The following SENP7 variants were observed in gnomAD, a reference collection of about 807,000 sequenced individuals.
SENP7 encodes SUMO specific peptidase 7.
A neutral mutation model predicts 141.2 loss-of-function variants in SENP7; 64 were observed. That is an observed-to-expected ratio of 0.45 (90% CI 0.37 to 0.56). SENP7 has a LOEUF of 0.56. Among genes scored for constraint, SENP7 ranks in the 20% least tolerant of loss-of-function variants. The pLI is 0.00. For missense variants in SENP7, 1,025 were observed against 1,212.2 expected, an observed-to-expected ratio of 0.85 and a Z score of 2.29; for synonymous variants, 382 against 426.4, an observed-to-expected ratio of 0.90 and a Z score of 1.28.
chr3:101,376,644 G>T (rs1209190265), intron 6 of SENP7, among the ~76,000 whole-genome samples: 2 of 151,922 alleles, frequency 1.3e-5, no homozygotes, highest in African/African-American at 2.4e-5. Context: ...TGGGGTGGGG[G>T]GAGCGGGGAG....
intron 15 of SENP7, 143 bp from the exon 16 acceptor site, chr3:101,340,354 A>C (rs1417426057): frequency 9.7e-7 from 1 of 1,032,720 alleles, no homozygotes; most frequent in Non-Finnish European, 1.4e-6. Flanking sequence ...GGCATAAATA[A>C]TGATATTTTC....
At position 101,364,366 on chromosome 3, in the gene SENP7, G is replaced by C. The variant is rs116503187; in HGVS notation, c.1476+468C>G. 4.3e-3 allele frequency among the ~76,000 whole-genome samples: 661 copies of C among 152,278 alleles called. 2 individuals carry two copies. Among genetic ancestry groups the C allele is most frequent in the Non-Finnish European group, 8.4e-3 (574 of 68,020 alleles). ...CACTTCCATTTATGATTTTCTATAA[G>C]AATGAAGAGGCAGAGGACTTACCAA... On this transcript the variant is annotated intron_variant, in intron 10 of 23. Transcript: ENST00000394095.
At chr3:101,420,183 T>C (rs896667921) in intron 4 of SENP7, among the ~76,000 whole-genome samples, 1 of 152,136 alleles carries the variant, frequency 6.6e-6, no homozygotes, top group African/African-American at 2.4e-5. Context: ...CTGGCTAACA[T>C]GGTGAAACCC....
Position 101,337,604 on chromosome 3 carries a change from A to C in SENP7, c.2385T>G (p.Asp795Glu). 6.2e-7 allele frequency: 1 copy of C among 1,605,652 alleles called. No individual in the cohort carries two copies. Among genetic ancestry groups the C allele is most frequent in the East Asian group, 2.2e-5 (1 of 44,542 alleles). Residue 795 changes from aspartate (D) to glutamate (E), a missense_variant, in exon 17 of 24, where the codon GAT (aspartate) becomes GAG (glutamate). Transcript: ENST00000394095. ...LKYLILEKAS[D>E]ELVERSHIFS... ...AAATGTGACTTCGTTCAACAAGTTC[A>C]TCTGATGCCTTCTCCAATATAAGAT...
intron 12 of SENP7, among the ~76,000 whole-genome samples, 167 bp downstream of exon 12, chr3:101,351,451 T>C (rs2107271644): frequency 6.6e-6 from 1 of 152,042 alleles, no homozygotes; most frequent in East Asian, 1.9e-4. Flanking sequence ...TTATAGTCAT[T>C]AAAACAATAG....
chr3:101,457,656 G>T (rs2063400135), intron 4 of SENP7: 10 of 1,497,134 alleles, frequency 6.7e-6, no homozygotes, highest in Admixed American at 1.7e-5. Context: ...TCTACGAGCA[G>T]TTCCTTTCCC....
In SENP7 at chr3:101,372,122, A is replaced by G; in HGVS notation, c.682T>C (p.Ser228Pro). 1 of 1,531,812 alleles carries G rather than the reference A, an allele frequency of 6.5e-7. No homozygotes were observed. Among genetic ancestry groups the G allele is most frequent in the South Asian group, 1.3e-5 (1 of 78,350 alleles). 94.9% of individuals were successfully genotyped at this position (1,531,812 alleles called of 1,614,324 possible). ...HKSCYLSERGSQRSKTVDDNS... is the reference protein window; with the variant it reads ...HKSCYLSERGPQRSKTVDDNS... Reference sequence around the variant, plus strand: ...TCATCTACTGTCTTACTTCGTTGTGAGCCCCTGCAAAAGAGAACTGTATTA... The same window carrying G: ...TCATCTACTGTCTTACTTCGTTGTGGGCCCCTGCAAAAGAGAACTGTATTA... Residue 228 changes from serine to proline, a missense_variant, in exon 7 of 24, where the codon TCA (serine) becomes CCA (proline). Physicochemically the swap from Ser to Pro is moderately conservative, Grantham distance 74. Coordinates refer to ENST00000394095, the MANE Select transcript of SENP7 (RefSeq NM_020654.5).
At chr3:101,331,837 AT>A (rs2059063493) in intron 19 of SENP7, 147 bp downstream of exon 19, 1 of 734,254 alleles carries the variant, frequency 1.4e-6, no homozygotes. Flanking sequence ...TTTGTCTATC[AT>A]TAAAAATTTC....
Position 101,341,792 on chromosome 3 carries a change from G to A in SENP7, c.2107-13C>T. On this transcript the variant is annotated splice_polypyrimidine_tract_variant and intron_variant, in intron 14 of 23. Transcript: ENST00000394095. Reference sequence around the variant, plus strand: ...CTGTGTTTGAGGGCTGACAGAAAGTGGCAAGAAAAAGGGTCTCAAACATCA... The same window carrying A: ...CTGTGTTTGAGGGCTGACAGAAAGTAGCAAGAAAAAGGGTCTCAAACATCA... 1.3e-6 allele frequency: 2 copies of A among 1,565,196 alleles called. No individual in the cohort carries two copies. The highest frequency in any genetic ancestry group is 1.2e-5 in the South Asian group (1 of 85,014).
At chr3:101,352,706 G>C (rs1178996299) in intron 11 of SENP7, among the ~76,000 whole-genome samples, 1 of 151,886 alleles carries the variant, frequency 6.6e-6, no homozygotes, top group Non-Finnish European at 1.5e-5. Flanking sequence ...ACATTTTGTT[G>C]ATCAAATCGG....
intron 6 of SENP7, among the ~76,000 whole-genome samples, chr3:101,393,703 C>T (rs2060881571): frequency 6.6e-6 from 1 of 152,124 alleles, no homozygotes; most frequent in South Asian, 2.1e-4. Flanking sequence ...TTATTTAGCT[C>T]ACAGTTAATC....
intron 13 of SENP7, among the ~76,000 whole-genome samples, chr3:101,347,055 G>A (rs1336681712): frequency 1.3e-5 from 2 of 151,866 alleles, no homozygotes; most frequent in African/African-American, 4.8e-5. Context: ...AAGGAAGAAA[G>A]AAGAAAGAAG....
chr3:101,508,602 AAAAAT>A (rs1420810665), intron 1 of SENP7, among the ~76,000 whole-genome samples: 1 of 152,172 alleles, frequency 6.6e-6, no homozygotes, highest in Non-Finnish European at 1.5e-5. Context: ...CCGTCTCCAA[AAAAAT>A]AAAAGAAAGG....
intron 6 of SENP7, among the ~76,000 whole-genome samples, chr3:101,395,790 A>G (rs2060951186): frequency 6.6e-6 from 1 of 152,234 alleles, no homozygotes; most frequent in African/African-American, 2.4e-5. Context: ...GGACTCAGGA[A>G]CACATGTTGG....
Position 101,327,816 on chromosome 3 carries a change from C to T in SENP7, c.2865G>A (p.Glu955=). The change falls in exon 23 of 24, where the codon GAG becomes GAA. Residue 955 remains glutamate, a splice_region_variant and synonymous_variant. Coordinates refer to ENST00000394095, the MANE Select transcript of SENP7 (RefSeq NM_020654.5). ...SVQNTVQNLR[E]YLEVEWEVKL... ...TAACTTCCCACTCTACCTCTAAATA[C>T]CTGAAATAATCAACAAATAAGAGTG... The T allele has an allele frequency of 1.9e-6, 3 of 1,595,504 alleles. No homozygotes were observed. Among genetic ancestry groups the T allele is most frequent in the Middle Eastern group, 1.7e-4 (1 of 5,996 alleles).
intron 2 of SENP7, among the ~76,000 whole-genome samples, chr3:101,496,698 C>A (rs1005009265): frequency 3.9e-5 from 6 of 152,130 alleles, no homozygotes; most frequent in Non-Finnish European, 7.4e-5. Context: ...CCACCTCAGC[C>A]TCCGAAGTAG....
intron 4 of SENP7, among the ~76,000 whole-genome samples, chr3:101,421,606 A>G (rs987758256): frequency 1.3e-5 from 2 of 152,206 alleles, no homozygotes; most frequent in Non-Finnish European, 2.9e-5. Context: ...ATCATTGGTA[A>G]TTTTACTGAT....
Position 101,459,069 on chromosome 3 carries a change from G to T in SENP7, c.187-17C>A, listed in dbSNP as rs772764670. Reference sequence around the variant, plus strand: ...TCTTTCCCACTAGGAAAAAAAAAATGAAATTTTAATAATAAACATATCAAT... The same window carrying T: ...TCTTTCCCACTAGGAAAAAAAAAATTAAATTTTAATAATAAACATATCAAT... On this transcript the variant is annotated splice_polypyrimidine_tract_variant and intron_variant, in intron 3 of 23. Transcript: ENST00000394095. The T allele has an allele frequency of 2.2e-6, 3 of 1,391,018 alleles. No homozygotes were observed. Among genetic ancestry groups the T allele is most frequent in the Non-Finnish European group, 2.0e-6 (2 of 1,000,340 alleles). 86.2% of individuals were successfully genotyped at this position (1,391,018 alleles called of 1,614,324 possible). A position where few individuals can be genotyped will look rare whatever the true frequency, so the allele number is the denominator to read the frequency against.
chr3:101,448,318 T>A (rs1441690892), intron 4 of SENP7, among the ~76,000 whole-genome samples: 1 of 152,170 alleles, frequency 6.6e-6, no homozygotes, highest in East Asian at 1.9e-4. Context: ...GCCAAAAGAA[T>A]GAGATAAAAT....
Sources: allele counts gnomAD v4.1 joint callset (sites outside exome capture counted in the v4.1 genomes callset), GRCh38; gene constraint gnomAD v4.1.1; transcripts MANE v1.5; gene names NCBI Gene and HGNC (gene_info 2026-07-23, HGNC 2026-07-21).